Variants in NEK7 observed in about 807,000 individuals in gnomAD.
The protein encoded by NEK7 is NIMA related kinase 7.
Under a neutral mutation model 44.6 loss-of-function variants are expected in NEK7, and 18 were observed. The ratio of observed to expected loss-of-function variants is 0.40; its 90% CI spans 0.28 to 0.60. The LOEUF is 0.60. Among genes scored for constraint, NEK7 ranks in the 20% least tolerant of loss-of-function variants. NEK7 has a pLI of 0.38. For synonymous variants in NEK7, 130 were observed against 121.1 expected, an observed-to-expected ratio of 1.07 and a Z score of -0.48; for missense variants, 256 against 366.5, an observed-to-expected ratio of 0.70 and a Z score of 2.46.
chr1:198,269,372 G>A (rs1653765601), intron 5 of NEK7, among the ~76,000 whole-genome samples: 1 of 151,930 alleles, frequency 6.6e-6, no homozygotes, highest in African/African-American at 2.4e-5. Context: ...TTACGGGAGT[G>A]GGGTTGGGTA....
chr1:198,209,670 T>TC (rs1213436060), intron 1 of NEK7, among the ~76,000 whole-genome samples: 3 of 152,096 alleles, frequency 2.0e-5, no homozygotes, highest in South Asian at 2.1e-4. Flanking sequence ...TCTCTCTCTC[T>TC]TTTTTTTAAT....
At chr1:198,175,498 G>C (rs2102730684) in intron 1 of NEK7, among the ~76,000 whole-genome samples, 1 of 152,294 alleles carries the variant, frequency 6.6e-6, no homozygotes, top group East Asian at 1.9e-4. Flanking sequence ...AAGGAATTCA[G>C]TAGAATGTTT....
chr1:198,281,531 T>G lies in NEK7; in HGVS notation c.589+2470T>G, dbSNP rs1342450221. On this transcript the variant is annotated intron_variant, in intron 7 of 9. Transcript: ENST00000367385. ...TAAAGAAAAATCTGAGTAAGTTTAC[T>G]TTAAACAAAGTTTGTACTGGAGCCA... Among the ~76,000 whole-genome samples, 3 of 152,118 alleles carry G rather than the reference T, an allele frequency of 2.0e-5. No individual in the cohort carries two copies. In the East Asian group the frequency reaches 5.8e-4, roughly 29 times the overall value.
At chr1:198,274,170 T>TTTTTTTTTTTTTTTTTTTG (rs1553255154) in intron 5 of NEK7, among the ~76,000 whole-genome samples, 10 of 148,670 alleles carry the variant, frequency 6.7e-5, no homozygotes, top group Non-Finnish European at 1.0e-4. Context: ...CTAGTTCTCT[T>TTTTTTTTTTTTTTTTTTTG]ATGACTTCAT....
chr1:198,162,688 G>A (rs1485009197), intron 1 of NEK7, among the ~76,000 whole-genome samples: 2 of 151,980 alleles, frequency 1.3e-5, no homozygotes, highest in African/African-American at 4.8e-5. Flanking sequence ...GTCTTAATGG[G>A]CTGCTTCCCA....
intron 1 of NEK7, among the ~76,000 whole-genome samples, chr1:198,230,835 A>G (rs1016008449): frequency 3.9e-5 from 6 of 152,082 alleles, no homozygotes; most frequent in Admixed American, 6.6e-5. Context: ...ATCAAAAAAT[A>G]TAAAACACTT....
intron 9 of NEK7, among the ~76,000 whole-genome samples, chr1:198,307,347 A>G (rs1655047966): frequency 6.6e-6 from 1 of 152,168 alleles, no homozygotes; most frequent in Admixed American, 6.6e-5. Flanking sequence ...AAAATCCAAA[A>G]GCAAGTATCA....
intron 1 of NEK7, among the ~76,000 whole-genome samples, chr1:198,173,766 T>C (rs1281166593): frequency 2.0e-5 from 3 of 152,188 alleles, no homozygotes; most frequent in African/African-American, 7.2e-5. Flanking sequence ...TTCATTTATT[T>C]GGTCATATTT....
In NEK7 at chr1:198,258,179, G is replaced by T. The variant is rs539318241; in HGVS notation, c.199-4396G>T. On this transcript the variant is annotated intron_variant, in intron 3 of 9. Coordinates refer to ENST00000367385, the MANE Select transcript of NEK7 (RefSeq NM_133494.3). ...GTAGAGCCGGGCACGGTGACTCAAC[G>T]CCTGTAATCCCAGCATTTTGGGAGG... is the stretch of plus-strand genomic sequence containing the variant. Among the ~76,000 whole-genome samples the T allele has an allele frequency of 5.9e-5, 9 of 152,172 alleles. No individual in the cohort carries two copies. In the South Asian group the frequency reaches 1.9e-3, roughly 32 times the overall value.
At chr1:198,179,732 A>C (rs1289486091) in intron 1 of NEK7, among the ~76,000 whole-genome samples, 2 of 152,126 alleles carry the variant, frequency 1.3e-5, no homozygotes, top group Non-Finnish European at 2.9e-5. Context: ...GAGTTTAAGA[A>C]AATTTTGTTC....
At chr1:198,294,333 G>A (rs1305627394) in intron 8 of NEK7, among the ~76,000 whole-genome samples, 1 of 151,854 alleles carries the variant, frequency 6.6e-6, no homozygotes, top group Non-Finnish European at 1.5e-5. Flanking sequence ...TAATAATTTG[G>A]TACAATCCTA....
chr1:198,193,755 G>A (rs1356697804), intron 1 of NEK7, among the ~76,000 whole-genome samples: 1 of 152,082 alleles, frequency 6.6e-6, no homozygotes. Flanking sequence ...ATCCCTTCAT[G>A]TTAAAAACTC....
At chr1:198,249,396 G>T (rs974737135) in intron 2 of NEK7, among the ~76,000 whole-genome samples, 8 of 151,932 alleles carry the variant, frequency 5.3e-5, no homozygotes, top group African/African-American at 1.9e-4. Context: ...AGTCCTTTGG[G>T]TATATACCCA....
chr1:198,222,143 T>C (rs1426451723), intron 1 of NEK7, among the ~76,000 whole-genome samples: 1 of 152,096 alleles, frequency 6.6e-6, no homozygotes. Flanking sequence ...TGTTCTTTTA[T>C]TTTCCATAAA....
chr1:198,265,039 G>A (rs999660661), intron 5 of NEK7, among the ~76,000 whole-genome samples: 2 of 152,026 alleles, frequency 1.3e-5, no homozygotes, highest in Admixed American at 6.6e-5. Flanking sequence ...AAAGTCTGGG[G>A]CTAGTATGGT....
intron 3 of NEK7, 147 bp downstream of exon 3, chr1:198,253,327 A>T (rs3762381): frequency 0.31 from 171,359 of 549,976 alleles, 32,115 homozygotes; most frequent in East Asian, 0.75. Flanking sequence ...AAAGCCAGAA[A>T]CAAGTGTAGT....
At chr1:198,259,682 GTGTT>G (rs1275195506) in intron 3 of NEK7, among the ~76,000 whole-genome samples, 1 of 152,002 alleles carries the variant, frequency 6.6e-6, no homozygotes, top group Non-Finnish European at 1.5e-5. Flanking sequence ...GTTTCCATTA[GTGTT>G]TGTTTTATTG....
intron 1 of NEK7, among the ~76,000 whole-genome samples, chr1:198,206,658 G>A (rs1044277173): frequency 1.3e-5 from 2 of 151,562 alleles, no homozygotes; most frequent in Admixed American, 6.6e-5. Context: ...TCTGAAATAC[G>A]GCAACAGCTC....
At chr1:198,308,184 C>T (rs1655070325) in intron 9 of NEK7, among the ~76,000 whole-genome samples, 1 of 152,060 alleles carries the variant, frequency 6.6e-6, no homozygotes, top group African/African-American at 2.4e-5. Context: ...AAGACTAAAT[C>T]AACACATGAG....
Sources: allele counts gnomAD v4.1 joint callset (sites outside exome capture counted in the v4.1 genomes callset), GRCh38; gene constraint gnomAD v4.1.1; transcripts MANE v1.5; gene names NCBI Gene and HGNC (gene_info 2026-07-23, HGNC 2026-07-21).